TCAF2: variants seen among roughly 807,000 people sequenced by gnomAD.
TCAF2 encodes TRPM8 channel associated factor 2.
In TCAF2, 6 loss-of-function variants were observed where a neutral mutation model predicts 33.9. That is an observed-to-expected ratio of 0.18 (90% CI 0.10 to 0.35). The LOEUF is 0.35. Among genes scored for constraint, TCAF2 ranks in the 10% least tolerant of loss-of-function variants. The pLI is 1.00. For synonymous variants in TCAF2, 41 were observed against 247.8 expected (o/e 0.17, Z 7.84); for missense variants, 109 against 604.0 (o/e 0.18, Z 8.59).
rs148091360 is a variant in TCAF2 at position 143,724,548 on chromosome 7, G to C, written c.2356G>C (p.Val786Leu). The change falls in exon 7 of 8, where the codon GTG becomes CTG. Residue 786 changes from valine (V) to leucine (L), a missense_variant. Transcript: ENST00000684770. The part of the protein sequence containing the change: ...EATCNLWSVY[V>L]HETVLGIPRA... ...CACCTGTAACCTTTGGTCAGTCTACGTGCATGAAACAGTCCTGGGGATCCC... is the reference window on the plus strand; with the variant it reads ...CACCTGTAACCTTTGGTCAGTCTACCTGCATGAAACAGTCCTGGGGATCCC... 6.2e-7 allele frequency: 1 copy of C among 1,610,852 alleles called. No individual in the cohort carries two copies. The highest frequency in any genetic ancestry group is 8.5e-7 in the Non-Finnish European group (1 of 1,179,438).
intron 1 of TCAF2, among the ~76,000 whole-genome samples, chr7:143,647,804 A>G (rs1809086345): frequency 7.7e-6 from 1 of 130,424 alleles, no homozygotes; most frequent in Non-Finnish European, 1.7e-5. Flanking sequence ...TGCTAATATC[A>G]TTTATTTTTA....
At chr7:143,725,675 T>C (rs901157703) in intron 7 of TCAF2, among the ~76,000 whole-genome samples, 5 of 105,374 alleles carry the variant, frequency 4.7e-5, no homozygotes, top group African/African-American at 1.5e-4. Flanking sequence ...TTCATTTCCA[T>C]ATCCTTAGAT....
Position 143,634,931 on chromosome 7 carries a change from G to A in TCAF2, c.-12+13911G>A, listed in dbSNP as rs531419630. ...AAAAAAAAGATACTCAAGTGTTGGG[G>A]GCTGCAGGTCTTCAAAATGTTTTTT... On this transcript the variant is annotated intron_variant, in intron 1 of 7. Coordinates refer to ENST00000684770, the MANE Select transcript of TCAF2 (RefSeq NM_001363538.2). Among the ~76,000 whole-genome samples, 330 of 136,284 alleles carry A rather than the reference G, an allele frequency of 2.4e-3. 2 individuals carry two copies. Among genetic ancestry groups the A allele is most frequent in the African/African-American group, 8.9e-3 (316 of 35,434 alleles). 89.4% of individuals were successfully genotyped at this position (136,284 alleles called of 152,430 possible).
chr7:143,701,762 C>CTTTAT (rs796928755), intron 1 of TCAF2, among the ~76,000 whole-genome samples: 5,475 of 97,234 alleles, frequency 0.056, 526 homozygotes, highest in Middle Eastern at 0.1. Context: ...TTTTATTTTA[C>CTTTAT]TTTATTTTAT....
At chr7:143,647,476 C>A (rs1393785522) in intron 1 of TCAF2, 1 of 424,900 alleles carries the variant, frequency 2.4e-6, no homozygotes, top group Admixed American at 5.7e-5. Context: ...CACCCGGCCC[C>A]GGCCATAGTG....
Position 143,724,642 on chromosome 7 carries a change from A to T in TCAF2, c.2450A>T (p.Lys817Met), listed in dbSNP as rs9691650. The change falls in exon 7 of 8, where the codon AAG becomes ATG. Residue 817 changes from lysine to methionine, a missense_variant. Transcript: ENST00000684770. ...AGGAGAATCAAGGCCCACCTGGGAA[A>T]GGGAGCCCCCCTGTGTGACTGGAAT... ...RERRIKAHLG[K>M]GAPLCDWNVW... The T allele has an allele frequency of 2.1e-3, 3,394 of 1,609,974 alleles. No homozygotes were observed. In the African/African-American group the frequency reaches 0.04, roughly 19 times the overall value.
Position 143,728,911 on chromosome 7 carries a change from C to A in TCAF2, c.*1244C>A, listed in dbSNP as rs537464772. 7 of 152,222 alleles carry A rather than the reference C, an allele frequency of 4.6e-5. No individual in the cohort carries two copies. In the East Asian group the frequency reaches 1.4e-3, roughly 29 times the overall value. The allele number at this position is 152,222 out of a possible 1,614,324, so 9.4% of individuals were successfully genotyped here. A position where few individuals can be genotyped will look rare whatever the true frequency, so the allele number is the denominator to read the frequency against. ...ATTGTTGTTTGTTTTGAATATCATT[C>A]CTTAGGCTATGTTGAGAGTAGAGTG... On this transcript the variant is annotated 3_prime_UTR_variant, in exon 8 of 8. Coordinates refer to ENST00000684770, the MANE Select transcript of TCAF2 (RefSeq NM_001363538.2).
chr7:143,647,819 A>G (rs373444475), intron 1 of TCAF2, among the ~76,000 whole-genome samples: 94,059 of 127,810 alleles, frequency 0.74, 34,049 homozygotes, highest in East Asian at 0.9. Context: ...TTTTTATCAT[A>G]TTTAAGGCAT....
chr7:143,724,839 G>A lies in TCAF2; in HGVS notation c.2505+142G>A, dbSNP rs568967375. The A allele has an allele frequency of 1.3e-4, 197 of 1,560,908 alleles. No individual in the cohort carries two copies. In the African/African-American group the frequency reaches 2.0e-3, roughly 16 times the overall value. The stretch of plus-strand genomic sequence containing the variant: ...CCCTGGAAATGAGAGGGACTGGGCC[G>A]CAGGGTGGTGCTTCTTGGGTTATAC... On this transcript the variant is annotated intron_variant, in intron 7 of 7. Coordinates refer to ENST00000684770, the MANE Select transcript of TCAF2 (RefSeq NM_001363538.2).
In TCAF2 at chr7:143,724,590, G is replaced by A. The variant is rs530770456; in HGVS notation, c.2398G>A (p.Glu800Lys). The A allele has an allele frequency of 2.5e-5, 41 of 1,610,868 alleles. 2 individuals are homozygous for A. In the African/African-American group the frequency reaches 2.7e-4, roughly 11 times the overall value. ...GGGGATCCCCAGGGCTCAGGCCCAC[G>A]AGGCTCTGAGCCCTCCAGAGCGAGA... is the stretch of plus-strand genomic sequence containing the variant. ...VLGIPRAQAH[E>K]ALSPPERERR... The change falls in exon 7 of 8, where the codon GAG becomes AAG. Residue 800 changes from glutamate (E) to lysine (K), a missense_variant. Coordinates refer to ENST00000684770, the MANE Select transcript of TCAF2 (RefSeq NM_001363538.2).
chr7:143,721,699 G>A (rs1161178829), intron 4 of TCAF2, among the ~76,000 whole-genome samples: 1 of 135,160 alleles, frequency 7.4e-6, no homozygotes, highest in Non-Finnish European at 1.6e-5. Context: ...TGATTAACAA[G>A]GAGACAGGAG....
chr7:143,701,879 A>C (rs1809180610), intron 1 of TCAF2, among the ~76,000 whole-genome samples: 1 of 79,796 alleles, frequency 1.3e-5, no homozygotes, highest in Non-Finnish European at 2.5e-5. Flanking sequence ...CACTGGTGCG[A>C]TATCGGCTCA....
Position 143,719,850 on chromosome 7 carries a change from GC to G in TCAF2, c.793del (p.Arg265GlyfsTer39). On this transcript the variant is annotated frameshift_variant, in exon 3 of 8. Coordinates refer to ENST00000684770, the MANE Select transcript of TCAF2 (RefSeq NM_001363538.2). LOFTEE classifies it high-confidence loss of function. ...LNCFLAAAHY[G>X]RGRVVLAAHE... ...TGCTTCCTGGCGGCTGCTCACTATG[GC>G]CGGGGCCGGGTGGTCCTGGCTGCCC... 1.0e-6 allele frequency: 1 copy of G among 958,510 alleles called. No individual in the cohort carries two copies. Among genetic ancestry groups the G allele is most frequent in the Non-Finnish European group, 1.6e-6 (1 of 636,344 alleles). The allele number at this position is 958,510 out of a possible 1,614,324, so 59.4% of individuals were successfully genotyped here.
rs1207851132 is a variant in TCAF2 at position 143,712,433 on chromosome 7, G to A, written c.624-7250G>A. On this transcript the variant is annotated intron_variant, in intron 2 of 7. Coordinates refer to ENST00000684770, the MANE Select transcript of TCAF2 (RefSeq NM_001363538.2). Reference sequence around the variant, plus strand: ...GTACTCACATACTCGAGAGGCTGAGGTAGGAGGCTCTCTTGAGGCTGGGAA... The same window carrying A: ...GTACTCACATACTCGAGAGGCTGAGATAGGAGGCTCTCTTGAGGCTGGGAA... 3.0e-5 allele frequency among the ~76,000 whole-genome samples: 3 copies of A among 101,554 alleles called. 1 individual carries two copies. Among genetic ancestry groups the A allele is most frequent in the Non-Finnish European group, 6.6e-5 (3 of 45,268 alleles). 66.6% of individuals were successfully genotyped at this position (101,554 alleles called of 152,430 possible).
At chr7:143,634,918 C>T (rs1474281802) in intron 1 of TCAF2, among the ~76,000 whole-genome samples, 1 of 138,226 alleles carries the variant, frequency 7.2e-6, no homozygotes, top group Non-Finnish European at 1.5e-5. Context: ...AAAAAAGATA[C>T]TCAAGTGTTG....
At position 143,727,867 on chromosome 7, in the gene TCAF2, A is replaced by G. The variant is rs1449227147; in HGVS notation, c.*200A>G. The G allele has an allele frequency of 3.7e-6, 1 of 268,298 alleles. No individual in the cohort carries two copies. The highest frequency in any genetic ancestry group is 5.8e-5 in the East Asian group (1 of 17,142). 16.6% of individuals were successfully genotyped at this position (268,298 alleles called of 1,614,324 possible). A position where few individuals can be genotyped will look rare whatever the true frequency, so the allele number is the denominator to read the frequency against. ...GCTTCTTTTTATTGTTTTTCTGCCT[A>G]CGCTATTGCTTTCCCCAAGAGACTC... On this transcript the variant is annotated 3_prime_UTR_variant, in exon 8 of 8. Coordinates refer to ENST00000684770, the MANE Select transcript of TCAF2 (RefSeq NM_001363538.2).
rs758085569 is a variant in TCAF2 at position 143,624,011 on chromosome 7, T to C, written c.-12+2991T>C. 11 of 522,294 alleles carry C rather than the reference T, an allele frequency of 2.1e-5. 5 individuals are homozygous for C. Among genetic ancestry groups the C allele is most frequent in the Admixed American group, 1.8e-4 (2 of 11,366 alleles). 32.4% of individuals were successfully genotyped at this position (522,294 alleles called of 1,614,324 possible). On this transcript the variant is annotated intron_variant, in intron 1 of 7. Coordinates refer to ENST00000684770, the MANE Select transcript of TCAF2 (RefSeq NM_001363538.2). ...CATGCTGGCTTGGCTTCATTTCTCC[T>C]CAATGCAGTGAGCTGGCTCTGTCCC...
chr7:143,703,087 T>C lies in TCAF2; in HGVS notation c.93T>C (p.Leu31=). 1 of 527,470 alleles carries C rather than the reference T, an allele frequency of 1.9e-6. No individual in the cohort carries two copies. Among genetic ancestry groups the C allele is most frequent in the Non-Finnish European group, 2.8e-6 (1 of 351,200 alleles). 32.7% of individuals were successfully genotyped at this position (527,470 alleles called of 1,614,324 possible). A position where few individuals can be genotyped will look rare whatever the true frequency, so the allele number is the denominator to read the frequency against. ...GAGGCCCCATCCCCAGTGAACTCCTTCTTATTGGAGAAGCCGCCTTCCCCG... is the reference window on the plus strand; with the variant it reads ...GAGGCCCCATCCCCAGTGAACTCCTCCTTATTGGAGAAGCCGCCTTCCCCG... The part of the protein sequence containing the change: ...VPRGPIPSEL[L]LIGEAAFPVM... Residue 31 remains leucine (L), a synonymous_variant, in exon 2 of 8, where the codon CTT becomes CTC. Transcript: ENST00000684770.
chr7:143,730,306 G>A lies in TCAF2; in HGVS notation c.*2639G>A, dbSNP rs1462302228. 2 of 152,082 alleles carry A rather than the reference G, an allele frequency of 1.3e-5. No individual in the cohort carries two copies. The highest frequency in any genetic ancestry group is 4.8e-5 in the African/African-American group (2 of 41,414). The allele number at this position is 152,082 out of a possible 1,614,324, so 9.4% of individuals were successfully genotyped here. The stretch of plus-strand genomic sequence containing the variant: ...CTTTTTAATGATCGCCATTCTAACT[G>A]GCATGAGATGGTACCCCATTGTGGT... On this transcript the variant is annotated 3_prime_UTR_variant, in exon 8 of 8. Transcript: ENST00000684770.
Sources: gnomAD v4.1 joint callset for allele counts (sites outside exome capture counted in the v4.1 genomes callset) on GRCh38, gnomAD v4.1.1 for gene constraint, MANE v1.5 for transcripts, NCBI Gene and HGNC (gene_info 2026-07-23, HGNC 2026-07-21) for gene names.